Variants in STX17 observed in about 807,000 individuals in gnomAD.
The protein encoded by STX17 is syntaxin 17.
STX17 carries 29 observed loss-of-function variants against 35.9 expected under a neutral mutation model. That is an observed-to-expected ratio of 0.81 (90% CI 0.60 to 1.10). STX17 has a LOEUF of 1.10. STX17 is among the 50% of genes least tolerant of loss of function. The pLI, the probability that STX17 is intolerant of heterozygous loss-of-function variation, is 0.00. For missense variants in STX17, 312 were observed against 352.3 expected (o/e 0.89, Z 0.92); for synonymous variants, 92 against 118.3 (o/e 0.78, Z 1.44).
At chr9:99,953,662 G>A (rs1005425862) in intron 4 of STX17, among the ~76,000 whole-genome samples, 2 of 152,038 alleles carry the variant, frequency 1.3e-5, no homozygotes, top group Non-Finnish European at 2.9e-5. Flanking sequence ...TGTGATAGTT[G>A]TGATGGTAAT....
intron 1 of STX17, chr9:99,913,989 G>A (rs796909600): frequency 2.3e-5 from 3 of 132,330 alleles, no homozygotes; most frequent in African/African-American, 8.9e-5. Context: ...TTTTTTTGTA[G>A]AGATGGGATT....
chr9:99,951,707 A>G (rs1348973929), intron 4 of STX17, among the ~76,000 whole-genome samples: 1 of 151,996 alleles, frequency 6.6e-6, no homozygotes, highest in Non-Finnish European at 1.5e-5. Context: ...AATAACTGAC[A>G]ACATTAAGTA....
intron 3 of STX17, among the ~76,000 whole-genome samples, chr9:99,943,513 T>G (rs1489777921): frequency 6.6e-6 from 1 of 152,214 alleles, no homozygotes; most frequent in Admixed American, 6.5e-5. Context: ...TTCACCATGT[T>G]GGCCAGGCTG....
intron 2 of STX17, among the ~76,000 whole-genome samples, chr9:99,926,133 T>C (rs1383965721): frequency 6.6e-6 from 1 of 152,004 alleles, no homozygotes; most frequent in Non-Finnish European, 1.5e-5. Context: ...ATTTTTTAAT[T>C]TCAGGTACTC....
At chr9:99,960,663 C>A (rs1162791262) in intron 6 of STX17, among the ~76,000 whole-genome samples, 1 of 152,072 alleles carries the variant, frequency 6.6e-6, no homozygotes, top group African/African-American at 2.4e-5. Context: ...AGGCTGGTCT[C>A]AAACTCCTGA....
At chr9:99,929,872 C>CTCTG in intron 3 of STX17, 1 of 148,458 alleles carries the variant, frequency 6.7e-6, no homozygotes, top group South Asian at 2.1e-4. Flanking sequence ...TGCTCCATAT[C>CTCTG]TCTGTCACAT....
intron 1 of STX17, among the ~76,000 whole-genome samples, chr9:99,908,612 C>CT (rs919315457): frequency 1.9e-4 from 29 of 151,902 alleles, no homozygotes; most frequent in African/African-American, 5.8e-4. Flanking sequence ...TGCTTCCATC[C>CT]TTTTTTTTCT....
intron 4 of STX17, among the ~76,000 whole-genome samples, chr9:99,953,219 T>C (rs1387779237): frequency 6.6e-6 from 1 of 152,060 alleles, no homozygotes; most frequent in Non-Finnish European, 1.5e-5. Flanking sequence ...GGAAGAAACA[T>C]TTAGGCCACT....
At chr9:99,909,885 C>T (rs1030430194) in intron 1 of STX17, among the ~76,000 whole-genome samples, 1 of 151,948 alleles carries the variant, frequency 6.6e-6, no homozygotes, top group Non-Finnish European at 1.5e-5. Context: ...CTCAAATATC[C>T]CATAAATATA....
At chr9:99,946,288 C>T (rs965422329) in intron 3 of STX17, among the ~76,000 whole-genome samples, 14 of 152,054 alleles carry the variant, frequency 9.2e-5, no homozygotes, top group Non-Finnish European at 1.6e-4. Flanking sequence ...TTATGTAAGG[C>T]TTTGAACATC....
At chr9:99,967,295 G>GTT (rs149727789) in intron 6 of STX17, 7 of 162,442 alleles carry the variant, frequency 4.3e-5, no homozygotes, top group African/African-American at 1.2e-4. Flanking sequence ...ATTTTGTTGG[G>GTT]TTTTTTTTTT....
rs777225877 is a variant in STX17 at position 99,968,493 on chromosome 9, A to AG, written c.734dup (p.Pro246SerfsTer53). The AG allele has an allele frequency of 7.5e-6, 12 of 1,610,130 alleles. No individual in the cohort carries two copies. Among genetic ancestry groups the AG allele is most frequent in the Non-Finnish European group, 9.3e-6 (11 of 1,178,032 alleles). On this transcript the variant is annotated frameshift_variant, in exon 8 of 8. Transcript: ENST00000259400. LOFTEE classifies it high-confidence loss of function. ...CAGGTGCACTCATCGGGGGAATGGT[A>AG]GGGGGTCCTATTGGCCTCCTTGCAG...
At chr9:99,950,032 A>G (rs1829561720) in intron 3 of STX17, among the ~76,000 whole-genome samples, 1 of 151,932 alleles carries the variant, frequency 6.6e-6, no homozygotes, top group Non-Finnish European at 1.5e-5. Context: ...TAAAAATTAT[A>G]TATATTGACT....
chr9:99,957,655 T>G (rs1179882600), intron 4 of STX17, among the ~76,000 whole-genome samples: 2 of 108,770 alleles, frequency 1.8e-5, no homozygotes, highest in African/African-American at 7.5e-5. Flanking sequence ...TTATTGTTTT[T>G]GTTTTTTTTT....
Position 99,973,929 on chromosome 9 carries a change from T to A in STX17, c.*5256T>A, listed in dbSNP as rs1392682323. On this transcript the variant is annotated 3_prime_UTR_variant, in exon 8 of 8. Transcript: ENST00000259400. ...AAAATCCACAAGAGTGATTTTAAGGTTTTTCTATGGTGAAGGTTCAAACTG... is the reference window on the plus strand; with the variant it reads ...AAAATCCACAAGAGTGATTTTAAGGATTTTCTATGGTGAAGGTTCAAACTG... 6.6e-6 allele frequency among the ~76,000 whole-genome samples: 1 copy of A among 152,148 alleles called. No individual in the cohort carries two copies. Among genetic ancestry groups the A allele is most frequent in the East Asian group, 1.9e-4 (1 of 5,202 alleles).
At chr9:99,907,371 T>C (rs1000268760) in intron 1 of STX17, 1 of 152,186 alleles carries the variant, frequency 6.6e-6, no homozygotes, top group African/African-American at 2.4e-5. Context: ...TCCTGAAAAG[T>C]GGGAGCTCTG....
At position 99,963,607 on chromosome 9, in the gene STX17, A is replaced by G. The variant is rs961264841; in HGVS notation, c.582+3452A>G. On this transcript the variant is annotated intron_variant, in intron 6 of 7. Transcript: ENST00000259400. ...ATTCTGTTCCCTTCCACTGACCCCA[A>G]CTGCATTCCCACTTTTGTCCTTCCT... is the stretch of plus-strand genomic sequence containing the variant. Among the ~76,000 whole-genome samples the G allele has an allele frequency of 3.9e-5, 6 of 152,064 alleles. No homozygotes were observed. The East Asian group carries it at 7.7e-4, about 20-fold the overall frequency.
At chr9:99,967,356 G>T in intron 6 of STX17, 2 of 197,480 alleles carry the variant, frequency 1.0e-5, no homozygotes, top group East Asian at 1.1e-4. Context: ...TTTTTTTTCT[G>T]GAAAGTAGAT....
intron 4 of STX17, among the ~76,000 whole-genome samples, chr9:99,958,454 A>G (rs1829757598): frequency 1.3e-5 from 2 of 152,232 alleles, no homozygotes; most frequent in Non-Finnish European, 2.9e-5. Flanking sequence ...TAACAATAGC[A>G]GCAGCAGTAA....
Sources: allele counts gnomAD v4.1 joint callset (sites outside exome capture counted in the v4.1 genomes callset), GRCh38; gene constraint gnomAD v4.1.1; transcripts MANE v1.5; gene names NCBI Gene and HGNC (gene_info 2026-07-23, HGNC 2026-07-21).